The following SIK3 variants were observed in gnomAD, a reference collection of about 807,000 sequenced individuals.
The protein encoded by SIK3 is serine/threonine-protein kinase SIK3.
Under a neutral mutation model 144.2 loss-of-function variants are expected in SIK3, and 28 were observed. That is an observed-to-expected ratio of 0.19 (90% CI 0.14 to 0.27). SIK3 has a LOEUF of 0.27. Ranked by LOEUF, SIK3 falls within the 10% of genes least tolerant of loss-of-function variation. The pLI, the probability that SIK3 is intolerant of heterozygous loss-of-function variation, is 1.00. For missense variants in SIK3, 1,319 were observed against 1,776.0 expected (o/e 0.74, Z 4.62); for synonymous variants, 686 against 676.3 (o/e 1.01, Z -0.22).
At chr11:117,097,598 T>C (rs1955533692) in intron 1 of SIK3, among the ~76,000 whole-genome samples, 2 of 152,122 alleles carry the variant, frequency 1.3e-5, no homozygotes, top group Non-Finnish European at 2.9e-5. Context: ...TGCGGATTCC[T>C]GTCTCTGTCT....
intron 1 of SIK3, among the ~76,000 whole-genome samples, chr11:116,996,396 A>G (rs1950666932): frequency 6.6e-6 from 1 of 152,220 alleles, no homozygotes; most frequent in South Asian, 2.1e-4. Context: ...TTATGTCAAG[A>G]GGGTGAAAAT....
intron 16 of SIK3, among the ~76,000 whole-genome samples, chr11:116,862,947 G>A (rs1485119914): frequency 2.6e-5 from 4 of 152,096 alleles, no homozygotes; most frequent in South Asian, 2.1e-4. Context: ...GGTGGTGCAC[G>A]CCTGTAGTCC....
chr11:117,095,581 T>C (rs1955439945), intron 1 of SIK3, among the ~76,000 whole-genome samples: 1 of 152,196 alleles, frequency 6.6e-6, no homozygotes, highest in African/African-American at 2.4e-5. Context: ...AACCAAACCA[T>C]AACCTTAATA....
chr11:116,952,023 C>T (rs1948960099), intron 3 of SIK3, among the ~76,000 whole-genome samples: 1 of 151,558 alleles, frequency 6.6e-6, no homozygotes, highest in South Asian at 2.1e-4. Flanking sequence ...ATTGATGTGC[C>T]CTGTGTTTGG....
intron 1 of SIK3, among the ~76,000 whole-genome samples, chr11:117,077,898 A>G (rs1408291678): frequency 6.6e-6 from 1 of 152,210 alleles, no homozygotes; most frequent in Non-Finnish European, 1.5e-5. Context: ...CTGTGTGTGT[A>G]TGTGTGTATT....
At chr11:116,936,236 G>A (rs1160172548) in intron 3 of SIK3, among the ~76,000 whole-genome samples, 2 of 152,212 alleles carry the variant, frequency 1.3e-5, no homozygotes, top group South Asian at 2.1e-4. Flanking sequence ...CTGAAGCGGG[G>A]TGGTGTGATC....
At chr11:117,064,098 A>G (rs1953913820) in intron 1 of SIK3, among the ~76,000 whole-genome samples, 1 of 152,238 alleles carries the variant, frequency 6.6e-6, no homozygotes, top group African/African-American at 2.4e-5. Context: ...GAGGCTGCTC[A>G]GGATAAAGCC....
chr11:117,080,922 T>C (rs1041824766), intron 1 of SIK3, among the ~76,000 whole-genome samples: 1 of 152,128 alleles, frequency 6.6e-6, no homozygotes, highest in East Asian at 1.9e-4. Context: ...CACTCCAGCA[T>C]GGGTGACAGA....
At chr11:116,926,715 C>T (rs1318903071) in intron 4 of SIK3, among the ~76,000 whole-genome samples, 1 of 152,114 alleles carries the variant, frequency 6.6e-6, no homozygotes, top group Non-Finnish European at 1.5e-5. Flanking sequence ...CTAGTTCCAG[C>T]TGATACTACA....
chr11:116,922,920 T>C (rs1333195072), intron 4 of SIK3, among the ~76,000 whole-genome samples: 1 of 139,146 alleles, frequency 7.2e-6, no homozygotes, highest in African/African-American at 2.6e-5. Context: ...TTTTTTTTTT[T>C]TTTTTTTTTT....
chr11:117,092,813 A>C (rs919715882), intron 1 of SIK3, among the ~76,000 whole-genome samples: 2 of 152,312 alleles, frequency 1.3e-5, no homozygotes, highest in Non-Finnish European at 2.9e-5. Flanking sequence ...GATGAACTAG[A>C]AAACATTAGC....
intron 1 of SIK3, among the ~76,000 whole-genome samples, chr11:116,965,753 A>AACATGGTGAAAACCCGTCTCTGC (rs1212634105): frequency 0.034 from 1,523 of 44,980 alleles, 22 homozygotes; most frequent in Non-Finnish European, 0.04. Flanking sequence ...ATATATATAT[A>AACATGGTGAAAACCCGTCTCTGC]TATATATATA....
chr11:117,048,882 C>T (rs962010823), intron 1 of SIK3, among the ~76,000 whole-genome samples: 2 of 152,122 alleles, frequency 1.3e-5, no homozygotes, highest in African/African-American at 4.8e-5. Context: ...GCATGTGGAT[C>T]ATGAGGTCAG....
At chr11:116,865,580 C>A (rs930055708) in intron 15 of SIK3, among the ~76,000 whole-genome samples, 13 of 152,124 alleles carry the variant, frequency 8.5e-5, no homozygotes, top group African/African-American at 3.1e-4. Context: ...TAAAATCTAT[C>A]TTGTGTTAGT....
chr11:116,850,795 G>A (rs1397493702), intron 21 of SIK3, among the ~76,000 whole-genome samples: 1 of 152,154 alleles, frequency 6.6e-6, no homozygotes, highest in African/African-American at 2.4e-5. Flanking sequence ...GATCACCTGA[G>A]GTCAGGAGTT....
At chr11:117,013,733 C>T (rs546000333) in intron 1 of SIK3, among the ~76,000 whole-genome samples, 92 of 151,242 alleles carry the variant, frequency 6.1e-4, no homozygotes, top group Middle Eastern at 3.4e-3. Context: ...CTACTCAGAC[C>T]CCTTATCAAT....
Position 116,958,678 on chromosome 11 carries a change from A to G in SIK3, c.274-1614T>C, listed in dbSNP as rs561772068. On this transcript the variant is annotated intron_variant, in intron 1 of 24. Transcript: ENST00000445177. ...TTGACAAAGAAAGCAGAATTTCACTACAGAGAGAACTGGGATAGGCAGAGA... is the reference window on the plus strand; with the variant it reads ...TTGACAAAGAAAGCAGAATTTCACTGCAGAGAGAACTGGGATAGGCAGAGA... Among the ~76,000 whole-genome samples the G allele has an allele frequency of 3.9e-5, 6 of 152,340 alleles. 1 individual carries two copies. Among genetic ancestry groups the G allele is most frequent in the African/African-American group, 1.4e-4 (6 of 41,568 alleles).
intron 6 of SIK3, among the ~76,000 whole-genome samples, chr11:116,885,276 C>G (rs1404697100): frequency 6.6e-6 from 1 of 152,136 alleles, no homozygotes; most frequent in African/African-American, 2.4e-5. Flanking sequence ...AGAGGCTTTT[C>G]TCTTCAGTTT....
chr11:117,075,690 C>T (rs560393595), intron 1 of SIK3, among the ~76,000 whole-genome samples: 16 of 149,600 alleles, frequency 1.1e-4, no homozygotes, highest in South Asian at 4.2e-4. Context: ...TACAGGTGCC[C>T]GCCACCACAC....
Sources: allele counts gnomAD v4.1 joint callset (sites outside exome capture counted in the v4.1 genomes callset), GRCh38; gene constraint gnomAD v4.1.1; transcripts MANE v1.5; gene names NCBI Gene and HGNC (gene_info 2026-07-23, HGNC 2026-07-21).